PCDHGB3: variants seen among roughly 807,000 people sequenced by gnomAD.
PCDHGB3 encodes protocadherin gamma subfamily B, 3.
Under a neutral mutation model 59.2 loss-of-function variants are expected in PCDHGB3, and 40 were observed. The ratio of observed to expected loss-of-function variants is 0.68; its 90% CI spans 0.52 to 0.88. The LOEUF (loss-of-function observed/expected upper bound fraction) is 0.88, where lower values mean the gene tolerates loss of function less well. PCDHGB3 is among the 40% of genes least tolerant of loss of function. The pLI is 0.00. For missense variants in PCDHGB3, 1,309 were observed against 1,187.9 expected, an observed-to-expected ratio of 1.10 and a Z score of -1.50; for synonymous variants, 581 against 503.6, an observed-to-expected ratio of 1.15 and a Z score of -2.06.
intron 1 of PCDHGB3, among the ~76,000 whole-genome samples, chr5:141,484,740 G>GA (rs1047805396): frequency 2.0e-5 from 3 of 150,646 alleles, no homozygotes; most frequent in Admixed American, 1.3e-4. Context: ...GGTGTGTTAG[G>GA]AAAAAAAATG....
At chr5:141,407,874 T>C (rs2094995185) in intron 1 of PCDHGB3, 1 of 358,496 alleles carries the variant, frequency 2.8e-6, no homozygotes, top group South Asian at 5.6e-5. Context: ...GAAGAATATA[T>C]ACATTTCGGA....
Position 141,476,085 on chromosome 5 carries a change from G to C in PCDHGB3, c.2416-18722G>C, listed in dbSNP as rs1163057402. On this transcript the variant is annotated intron_variant, in intron 1 of 3. Coordinates refer to ENST00000576222, the MANE Select transcript of PCDHGB3 (RefSeq NM_018924.5). This position sits in a 1 kb window ranked among gnomAD's most constrained non-coding sequence, Gnocchi z 7.6. ...TCAGCGAAATCTCAGGGACGATCTG[G>C]ACCCCGCTGAGAGGAACTGCTTTTG... 1.3e-6 allele frequency: 2 copies of C among 1,551,682 alleles called. No individual in the cohort carries two copies. Among genetic ancestry groups the C allele is most frequent in the East Asian group, 2.3e-5 (1 of 44,392 alleles).
chr5:141,423,170 A>G, intron 1 of PCDHGB3: 8 of 1,613,504 alleles, frequency 5.0e-6, no homozygotes, highest in Non-Finnish European at 6.8e-6. Context: ...GTGGCCGTCC[A>G]GGACCACGGC....
rs1488305057 is a variant in PCDHGB3, at chr5:141,477,736, C to A, written c.2416-17071C>A. ...AATTTGAATTAACAGCTCATATCAG[C>A]GATGGGGGCACCCCGGTCCTAGCCA... On this transcript the variant is annotated intron_variant, in intron 1 of 3. Transcript: ENST00000576222. This position sits in a 1 kb window ranked among gnomAD's most constrained non-coding sequence, Gnocchi z 4.9. The A allele has an allele frequency of 6.2e-7, 1 of 1,613,790 alleles. No homozygotes were observed. Among genetic ancestry groups the A allele is most frequent in the Non-Finnish European group, 8.5e-7 (1 of 1,180,024 alleles).
At chr5:141,390,370 A>G (rs1252386186) in intron 1 of PCDHGB3, 7 of 1,504,066 alleles carry the variant, frequency 4.7e-6, no homozygotes, top group African/African-American at 4.2e-5. Context: ...AGGAAAATAT[A>G]TAATTTTTAG....
chr5:141,442,796 T>G (rs909745554), intron 1 of PCDHGB3, among the ~76,000 whole-genome samples: 16 of 152,326 alleles, frequency 1.1e-4, no homozygotes, highest in African/African-American at 3.8e-4. Context: ...AATTTTACTT[T>G]GATATTCAAA....
At chr5:141,488,042 G>T (rs2099670966) in intron 1 of PCDHGB3, among the ~76,000 whole-genome samples, 1 of 152,168 alleles carries the variant, frequency 6.6e-6, no homozygotes, top group Non-Finnish European at 1.5e-5. Context: ...TTTCCCAAGG[G>T]ATTGAGGGGA....
chr5:141,390,436 C>A, intron 1 of PCDHGB3: 1 of 949,978 alleles, frequency 1.1e-6, no homozygotes, highest in Non-Finnish European at 1.5e-6. Flanking sequence ...TCATATCATT[C>A]TACAAAGGAG....
At chr5:141,414,936 G>T in intron 1 of PCDHGB3, 1 of 1,614,118 alleles carries the variant, frequency 6.2e-7, no homozygotes, top group South Asian at 1.1e-5. Context: ...GCTCCGCAGA[G>T]CCCGGCTACC....
At position 141,486,230 on chromosome 5, in the gene PCDHGB3, A is replaced by G. The variant is rs1463946178; in HGVS notation, c.2416-8577A>G. ...TGACAATGCCCCTTACATCACAGTG[A>G]CCTCAGAGCTTGGAACCCTCCCCGA... On this transcript the variant is annotated intron_variant, in intron 1 of 3. Coordinates refer to ENST00000576222, the MANE Select transcript of PCDHGB3 (RefSeq NM_018924.5). This position sits in a 1 kb window ranked among gnomAD's most constrained non-coding sequence, Gnocchi z 5.0. 2 of 1,613,898 alleles carry G rather than the reference A, an allele frequency of 1.2e-6. No individual in the cohort carries two copies. The highest frequency in any genetic ancestry group is 2.2e-5 in the East Asian group (1 of 44,878).
intron 1 of PCDHGB3, chr5:141,413,772 A>G: frequency 1.9e-6 from 3 of 1,613,226 alleles, no homozygotes; most frequent in Non-Finnish European, 2.5e-6. Context: ...CGGAGCTGGT[A>G]CTGGAGCACT....
chr5:141,486,170 C>T lies in PCDHGB3; in HGVS notation c.2416-8637C>T, dbSNP rs759946548. The stretch of plus-strand genomic sequence containing the variant: ...TGGGGGTTCTCCAGCCATGGAGCAA[C>T]ATTGCAGCCTTCGAGTGGATCTGCT... On this transcript the variant is annotated intron_variant, in intron 1 of 3. Coordinates refer to ENST00000576222, the MANE Select transcript of PCDHGB3 (RefSeq NM_018924.5). This position sits in a 1 kb window ranked among gnomAD's most constrained non-coding sequence, Gnocchi z 5.0. The T allele has an allele frequency of 1.5e-5, 24 of 1,614,116 alleles. No individual in the cohort carries two copies. Among genetic ancestry groups the T allele is most frequent in the South Asian group, 4.4e-5 (4 of 91,090 alleles).
intron 1 of PCDHGB3, among the ~76,000 whole-genome samples, chr5:141,458,236 C>T (rs6874378): frequency 0.18 from 27,546 of 152,106 alleles, 2,658 homozygotes; most frequent in Admixed American, 0.28. Flanking sequence ...AGTCCATGCA[C>T]CAAAATGATA....
In PCDHGB3 at chr5:141,382,874, G is replaced by T. The variant is rs369372304; in HGVS notation, c.2415+10065G>T. On this transcript the variant is annotated intron_variant, in intron 1 of 3. Coordinates refer to ENST00000576222, the MANE Select transcript of PCDHGB3 (RefSeq NM_018924.5). ...TTCTGAAGCACTTCCCGAGATCGGC[G>T]CCTAAGCAAGAGAAGCAGGACGACT... 2.9e-4 allele frequency: 441 copies of T among 1,522,954 alleles called. 1 individual carries two copies. The highest frequency in any genetic ancestry group is 3.8e-4 in the Non-Finnish European group (430 of 1,137,240). 94.3% of individuals were successfully genotyped at this position (1,522,954 alleles called of 1,614,324 possible).
Position 141,431,003 on chromosome 5 carries a change from G to C in PCDHGB3, c.2415+58194G>C. The C allele has an allele frequency of 6.2e-7, 1 of 1,614,078 alleles. No individual in the cohort carries two copies. The highest frequency in any genetic ancestry group is 8.5e-7 in the Non-Finnish European group (1 of 1,179,974). On this transcript the variant is annotated intron_variant, in intron 1 of 3. Transcript: ENST00000576222. The surrounding 1 kb of genome is among the most constrained non-coding windows in gnomAD (Gnocchi z 4.8). ...GCTTTTCGCCCTGAATCCGCGCAGC[G>C]GCAGCTTGGTCACGGCGGGCAGGAT... is the stretch of plus-strand genomic sequence containing the variant.
At chr5:141,460,132 T>TAAAA in intron 1 of PCDHGB3, among the ~76,000 whole-genome samples, 1 of 152,036 alleles carries the variant, frequency 6.6e-6, no homozygotes, top group South Asian at 2.1e-4. Context: ...GTAATATATA[T>TAAAA]ATTCTTGATG....
chr5:141,479,636 CA>C (rs1397283180), intron 1 of PCDHGB3: 1 of 152,080 alleles, frequency 6.6e-6, no homozygotes, highest in African/African-American at 2.4e-5. Flanking sequence ...TTAACAATAA[CA>C]ACAACAACAA....
At position 141,431,423 on chromosome 5, in the gene PCDHGB3, C is replaced by T; in HGVS notation, c.2415+58614C>T. The T allele has an allele frequency of 3.1e-6, 5 of 1,613,670 alleles. No individual in the cohort carries two copies. Among genetic ancestry groups the T allele is most frequent in the Non-Finnish European group, 4.2e-6 (5 of 1,180,030 alleles). ...GGCCTCCGACGGGGGCGACCCGGTG[C>T]GCACAGGCACCGCGCGCATCCGCGT... On this transcript the variant is annotated intron_variant, in intron 1 of 3. Coordinates refer to ENST00000576222, the MANE Select transcript of PCDHGB3 (RefSeq NM_018924.5). This position sits in a 1 kb window ranked among gnomAD's most constrained non-coding sequence, Gnocchi z 4.8.
intron 1 of PCDHGB3, among the ~76,000 whole-genome samples, chr5:141,453,999 A>C (rs1561953352): frequency 6.6e-6 from 1 of 152,258 alleles, no homozygotes; most frequent in South Asian, 2.1e-4. Flanking sequence ...ATAAACCCAC[A>C]TAACATTTTA....
Sources: gnomAD v4.1 joint callset for allele counts (sites outside exome capture counted in the v4.1 genomes callset) on GRCh38, gnomAD v4.1.1 for gene constraint, Gnocchi (gnomAD v3.1) non-coding constraint, MANE v1.5 for transcripts, NCBI Gene and HGNC (gene_info 2026-07-23, HGNC 2026-07-21) for gene names.